The following CWC25 variants were observed in gnomAD, a reference collection of about 807,000 sequenced individuals.
CWC25 encodes pre-mRNA-splicing factor CWC25 homolog.
CWC25 carries 31 observed loss-of-function variants against 54.6 expected under a neutral mutation model. The ratio of observed to expected loss-of-function variants is 0.57; its 90% CI spans 0.43 to 0.77. The LOEUF is 0.77. CWC25 is among the 30% of genes least tolerant of loss of function. The probability of loss-of-function intolerance (pLI) is 0.00; values close to 1 mark genes in which losing one functional copy is unlikely to be tolerated. For missense variants in CWC25, 453 were observed against 529.3 expected, an observed-to-expected ratio of 0.86 and a Z score of 1.41; for synonymous variants, 151 against 187.0, an observed-to-expected ratio of 0.81 and a Z score of 1.57.
intron 2 of CWC25, among the ~76,000 whole-genome samples, chr17:38,818,419 C>T (rs1391944729): frequency 6.6e-6 from 1 of 151,124 alleles, no homozygotes; most frequent in Admixed American, 6.6e-5. Flanking sequence ...AGTGAAACCC[C>T]GTCTCTACTA....
intron 2 of CWC25, among the ~76,000 whole-genome samples, chr17:38,818,543 G>T (rs929970982): frequency 1.7e-5 from 2 of 115,940 alleles, no homozygotes; most frequent in African/African-American, 6.7e-5. Context: ...AGTGAGCCGA[G>T]ATCGTGCTGC....
intron 1 of CWC25, 90 bp from the exon 2 acceptor site, chr17:38,821,163 C>T (rs1911908631): frequency 3.0e-6 from 4 of 1,345,356 alleles, no homozygotes; most frequent in South Asian, 2.8e-5. Flanking sequence ...CTTCCATACC[C>T]AAGGCAGGCG....
At chr17:38,811,918 T>C (rs678381) in intron 4 of CWC25, among the ~76,000 whole-genome samples, 31,097 of 151,800 alleles carry the variant, frequency 0.2, 3,303 homozygotes, top group Admixed American at 0.27. Flanking sequence ...GTCATGTGAA[T>C]GGTAAGTGGG....
At chr17:38,820,770 T>C (rs1044386902) in intron 2 of CWC25, 131 bp downstream of exon 2, 1 of 1,118,758 alleles carries the variant, frequency 8.9e-7, no homozygotes, top group Non-Finnish European at 1.3e-6. Context: ...AAGCCAACCT[T>C]AGAATCCAGG....
At chr17:38,806,193 G>A (rs1172536840) in intron 8 of CWC25, 104 bp downstream of exon 8, 1 of 956,654 alleles carries the variant, frequency 1.0e-6, no homozygotes, top group Non-Finnish European at 1.6e-6. Flanking sequence ...AATAAAAGTT[G>A]GTTCGTCGAA....
At position 38,806,281 on chromosome 17, in the gene CWC25, T is replaced by C. The variant is rs1911231602; in HGVS notation, c.1001+16A>G. ...GGCCTGCAAAATGTGGTTAATCAAC[T>C]GGGCTCCTGACTCACCTGGTGTATC... On this transcript the variant is annotated intron_variant, in intron 8 of 9. Coordinates refer to ENST00000614790, the MANE Select transcript of CWC25 (RefSeq NM_017748.5). 1 of 1,599,048 alleles carries C rather than the reference T, an allele frequency of 6.3e-7. No individual in the cohort carries two copies. Among genetic ancestry groups the C allele is most frequent in the Non-Finnish European group, 8.5e-7 (1 of 1,171,024 alleles).
intron 8 of CWC25, among the ~76,000 whole-genome samples, chr17:38,803,755 T>C (rs1168118856): frequency 1.4e-5 from 2 of 145,082 alleles, no homozygotes; most frequent in South Asian, 2.2e-4. Flanking sequence ...ACAAAAACGA[T>C]TGCCAGGCAC....
At chr17:38,813,564 AAAAG>A (rs1335540995) in intron 3 of CWC25, among the ~76,000 whole-genome samples, 45 of 151,738 alleles carry the variant, frequency 3.0e-4, no homozygotes, top group Non-Finnish European at 5.9e-4. Context: ...AAAAAAAAAA[AAAAG>A]AGTCATGCTC....
chr17:38,825,246 G>A lies in CWC25; in HGVS notation c.-63C>T, dbSNP rs1355851637. On this transcript the variant is annotated 5_prime_UTR_variant, in exon 1 of 10. It adds an upstream start codon to the 5' untranslated region. Transcript: ENST00000614790. ...GATTTCGGGAGGATCAAGAGAAAAC[G>A]TAGAGAAATAGTTCGGGGGCTACCT... The A allele has an allele frequency of 2.6e-6, 4 of 1,534,444 alleles. No homozygotes were observed. Among genetic ancestry groups the A allele is most frequent in the East Asian group, 2.4e-5 (1 of 41,154 alleles).
intron 6 of CWC25, 36 bp from the exon 7 acceptor site, chr17:38,807,012 G>C: frequency 6.4e-7 from 1 of 1,561,074 alleles, no homozygotes; most frequent in Non-Finnish European, 8.8e-7. Context: ...TATTCACATG[G>C]AAAATCCAGC....
chr17:38,809,559 C>T, intron 6 of CWC25, 143 bp downstream of exon 6: 1 of 645,870 alleles, frequency 1.5e-6, no homozygotes, highest in East Asian at 2.8e-5. Flanking sequence ...GGGTCATCAG[C>T]CACAAGAAGG....
intron 1 of CWC25, among the ~76,000 whole-genome samples, chr17:38,821,849 AC>A (rs1198664037): frequency 2.0e-5 from 3 of 149,806 alleles, no homozygotes; most frequent in Non-Finnish European, 3.0e-5. Flanking sequence ...GGCTGACTGC[AC>A]CCTCCGCCTC....
intron 4 of CWC25, among the ~76,000 whole-genome samples, chr17:38,811,896 A>G (rs1184388434): frequency 6.6e-6 from 1 of 152,088 alleles, no homozygotes; most frequent in African/African-American, 2.4e-5. Context: ...CCAAGACACA[A>G]TTACATAATA....
At chr17:38,814,002 T>C (rs985591553) in intron 3 of CWC25, among the ~76,000 whole-genome samples, 101 of 151,602 alleles carry the variant, frequency 6.7e-4, no homozygotes, top group African/African-American at 2.1e-3. Context: ...GCTGGGACTA[T>C]AGGCGCCTGC....
intron 5 of CWC25, 21 bp downstream of exon 5, chr17:38,810,447 G>A: frequency 6.5e-7 from 1 of 1,527,074 alleles, no homozygotes; most frequent in South Asian, 1.3e-5. Context: ...CGAGAAGGGA[G>A]GCCAGTCGCC....
chr17:38,815,912 A>G (rs1911678139), intron 2 of CWC25, among the ~76,000 whole-genome samples: 1 of 152,170 alleles, frequency 6.6e-6, no homozygotes, highest in African/African-American at 2.4e-5. Flanking sequence ...GAGGTAACTG[A>G]ATAAGTGACG....
At position 38,809,278 on chromosome 17, in the gene CWC25, A is replaced by G. The variant is rs373149491; in HGVS notation, c.690+424T>C. The stretch of plus-strand genomic sequence containing the variant: ...CCCTGTCTCTACTAAAAATACAAAA[A>G]TTAGTCGGGCGTGGTGGTGGGCGCC... On this transcript the variant is annotated intron_variant, in intron 6 of 9. Coordinates refer to ENST00000614790, the MANE Select transcript of CWC25 (RefSeq NM_017748.5). 1.1e-3 allele frequency among the ~76,000 whole-genome samples: 171 copies of G among 151,194 alleles called. 1 individual carries two copies. The highest frequency in any genetic ancestry group is 3.9e-3 in the African/African-American group (160 of 41,214).
chr17:38,821,634 C>A (rs559116627), intron 1 of CWC25, among the ~76,000 whole-genome samples: 1 of 152,256 alleles, frequency 6.6e-6, no homozygotes, highest in Non-Finnish European at 1.5e-5. Context: ...ACAGTTTTAA[C>A]CTTAAAAGCA....
Position 38,802,868 on chromosome 17 carries a change from A to G in CWC25, c.1002-7T>C. On this transcript the variant is annotated splice_polypyrimidine_tract_variant and splice_region_variant and intron_variant, in intron 8 of 9. Coordinates refer to ENST00000614790, the MANE Select transcript of CWC25 (RefSeq NM_017748.5). ...TTCCTCTGCAGAGAGTTTTCTGTTG[A>G]GCACAGAAACCATACGATCAGGTCT... is the stretch of plus-strand genomic sequence containing the variant. 1.2e-6 allele frequency: 2 copies of G among 1,613,734 alleles called. No homozygotes were observed. The highest frequency in any genetic ancestry group is 1.7e-6 in the Non-Finnish European group (2 of 1,179,866).
Sources: gnomAD v4.1 joint callset for allele counts (sites outside exome capture counted in the v4.1 genomes callset) on GRCh38, gnomAD v4.1.1 for gene constraint, MANE v1.5 for transcripts, NCBI Gene and HGNC (gene_info 2026-07-23, HGNC 2026-07-21) for gene names.